AFF1: variants seen among roughly 807,000 people sequenced by gnomAD.
AFF1 encodes ALF transcription elongation factor 1, also known as AF4/FMR2 family member 1.
A neutral mutation model predicts 121.7 loss-of-function variants in AFF1; 48 were observed. That is an observed-to-expected ratio of 0.39 (90% CI 0.31 to 0.50). AFF1 has a LOEUF of 0.50. Ranked by LOEUF, AFF1 falls within the 20% of genes least tolerant of loss-of-function variation. The probability of loss-of-function intolerance (pLI) is 0.76; values close to 1 mark genes in which losing one functional copy is unlikely to be tolerated. For missense variants in AFF1, 1,523 were observed against 1,511.7 expected, an observed-to-expected ratio of 1.01 and a Z score of -0.12; for synonymous variants, 613 against 563.0, an observed-to-expected ratio of 1.09 and a Z score of -1.26.
At chr4:87,109,472 A>G (rs898470742) in intron 11 of AFF1, among the ~76,000 whole-genome samples, 1 of 152,232 alleles carries the variant, frequency 6.6e-6, no homozygotes, top group Non-Finnish European at 1.5e-5. Flanking sequence ...TTTAGAAACT[A>G]CACTGTGTTT....
intron 2 of AFF1, among the ~76,000 whole-genome samples, chr4:86,996,086 G>C (rs570164607): frequency 6.6e-6 from 1 of 151,278 alleles, no homozygotes; most frequent in Middle Eastern, 3.2e-3. Flanking sequence ...CAGCCACCTC[G>C]TCTGGGAGGG....
intron 2 of AFF1, among the ~76,000 whole-genome samples, chr4:86,991,792 A>G (rs1443844160): frequency 6.6e-6 from 1 of 150,592 alleles, no homozygotes; most frequent in Non-Finnish European, 1.5e-5. Flanking sequence ...AAATCAACAA[A>G]TTAATCCAAC....
chr4:86,969,340 G>A (rs533154058), intron 2 of AFF1, among the ~76,000 whole-genome samples: 1 of 151,982 alleles, frequency 6.6e-6, no homozygotes, highest in African/African-American at 2.4e-5. Flanking sequence ...TTAGCTTGGC[G>A]TGGTGGCACG....
chr4:87,045,816 A>T (rs573254914), intron 2 of AFF1, among the ~76,000 whole-genome samples: 5 of 152,144 alleles, frequency 3.3e-5, no homozygotes, highest in Admixed American at 1.3e-4. Flanking sequence ...CCTCTACCCC[A>T]TATTTTGCAA....
At chr4:86,937,237 T>A (rs962698763) in intron 1 of AFF1, among the ~76,000 whole-genome samples, 6 of 152,362 alleles carry the variant, frequency 3.9e-5, no homozygotes, top group African/African-American at 1.2e-4. Context: ...TGCAAAACTA[T>A]AATTTTGAAG....
At chr4:87,103,808 A>G (rs942347836) in intron 8 of AFF1, among the ~76,000 whole-genome samples, 7 of 152,218 alleles carry the variant, frequency 4.6e-5, no homozygotes, top group Non-Finnish European at 1.0e-4. Context: ...GGATTACATG[A>G]TCATTGATGT....
intron 2 of AFF1, among the ~76,000 whole-genome samples, chr4:87,044,019 T>C (rs1020845433): frequency 1.3e-5 from 2 of 152,136 alleles, no homozygotes; most frequent in Non-Finnish European, 2.9e-5. Context: ...GGGTTCACCA[T>C]GTTGGCCAGG....
chr4:87,125,955 G>A, intron 13 of AFF1, 144 bp from the exon 14 acceptor site: 1 of 787,954 alleles, frequency 1.3e-6, no homozygotes, highest in Non-Finnish European at 2.1e-6. Context: ...GCCTCAAAAA[G>A]TCCCTGAAAT....
rs551598893 is a variant in AFF1, at chr4:87,072,279, C to G, written c.1060-11841C>G. Reference sequence around the variant, plus strand: ...TCAGGAGTCTGAGGCAGGAGAATGGCGTGAACCCGGGAGGCGGAGCTTGCA... The same window carrying G: ...TCAGGAGTCTGAGGCAGGAGAATGGGGTGAACCCGGGAGGCGGAGCTTGCA... On this transcript the variant is annotated intron_variant, in intron 4 of 20. Transcript: ENST00000395146. Among the ~76,000 whole-genome samples the G allele has an allele frequency of 2.7e-5, 4 of 148,528 alleles. No individual in the cohort carries two copies. The Admixed American group carries it at 2.7e-4, about 10-fold the overall frequency.
At chr4:87,104,288 C>A (rs1239939203) in intron 8 of AFF1, among the ~76,000 whole-genome samples, 1 of 152,116 alleles carries the variant, frequency 6.6e-6, no homozygotes, top group African/African-American at 2.4e-5. Flanking sequence ...GCCTGTAGTC[C>A]CAACTATTCG....
Position 87,114,977 on chromosome 4 carries a change from A to G in AFF1, c.2144A>G (p.Glu715Gly), listed in dbSNP as rs562926302. 5 of 1,613,562 alleles carry G rather than the reference A, an allele frequency of 3.1e-6. No homozygotes were observed. In the African/African-American group the frequency reaches 5.3e-5, roughly 17 times the overall value. Residue 715 changes from glutamate (E) to glycine (G), a missense_variant, in exon 12 of 21, where the codon GAG becomes GGG. By Grantham distance (98) the Glu-to-Gly change is moderately conservative. Transcript: ENST00000395146. ...PEHFALVPLTESQGPPHSGSG... is the reference protein window; with the variant it reads ...PEHFALVPLTGSQGPPHSGSG... ...CACTTTGCTCTTGTTCCCCTGACTG[A>G]GAGCCAGGGCCCACCCCACAGTGGC...
chr4:87,124,268 A>G (rs537203460), intron 12 of AFF1, among the ~76,000 whole-genome samples: 2 of 152,124 alleles, frequency 1.3e-5, no homozygotes, highest in African/African-American at 4.8e-5. Context: ...CAAGTTAGAG[A>G]TACTTAAATT....
At chr4:87,123,972 G>C (rs1727969308) in intron 12 of AFF1, among the ~76,000 whole-genome samples, 1 of 152,090 alleles carries the variant, frequency 6.6e-6, no homozygotes. Context: ...TTAATTGAAG[G>C]GTCTCACCCA....
chr4:87,047,867 G>A, intron 4 of AFF1: 1 of 507,396 alleles, frequency 2.0e-6, no homozygotes, highest in Admixed American at 3.1e-5. Context: ...GAGATCATAA[G>A]AGTACAGTTT....
intron 2 of AFF1, among the ~76,000 whole-genome samples, chr4:86,981,247 C>T (rs188918305): frequency 5.9e-5 from 9 of 152,220 alleles, no homozygotes; most frequent in East Asian, 1.9e-4. Context: ...CTCCTGACCT[C>T]GTGATCTGCC....
At chr4:87,124,959 C>T in intron 12 of AFF1, 78 bp from the exon 13 acceptor site, 2 of 1,290,080 alleles carry the variant, frequency 1.6e-6, no homozygotes, top group African/African-American at 1.5e-5. Context: ...CCCTCTTTGC[C>T]TTTTCTATAT....
chr4:86,993,440 C>T (rs1197400832), intron 2 of AFF1, among the ~76,000 whole-genome samples: 1 of 152,124 alleles, frequency 6.6e-6, no homozygotes, highest in South Asian at 2.1e-4. Flanking sequence ...CTTCCCCTTT[C>T]CTGATATGTG....
intron 8 of AFF1, 98 bp from the exon 9 acceptor site, chr4:87,105,526 CCTCT>C (rs1039951078): frequency 7.7e-6 from 10 of 1,291,908 alleles, no homozygotes; most frequent in South Asian, 2.5e-5. Flanking sequence ...TTACACATAT[CCTCT>C]CTCTTTGTTT....
In AFF1 at chr4:87,139,556, T is replaced by G. The variant is rs1227995120; in HGVS notation, c.*3855T>G. ...ACACAAGAGTATAGATTTTTCTCAC[T>G]GAAAAGTGAGAGTTACGCATTGCAG... is the stretch of plus-strand genomic sequence containing the variant. On this transcript the variant is annotated 3_prime_UTR_variant, in exon 21 of 21. Coordinates refer to ENST00000395146, the MANE Select transcript of AFF1 (RefSeq NM_001166693.3). 8.7e-6 allele frequency: 2 copies of G among 230,584 alleles called. No homozygotes were observed. The highest frequency in any genetic ancestry group is 4.4e-5 in the African/African-American group (2 of 45,194). The allele number at this position is 230,584 out of a possible 1,614,324, so 14.3% of individuals were successfully genotyped here. A position where few individuals can be genotyped will look rare whatever the true frequency, so the allele number is the denominator to read the frequency against.
Sources: gnomAD v4.1 joint callset for allele counts (sites outside exome capture counted in the v4.1 genomes callset) on GRCh38, gnomAD v4.1.1 for gene constraint, MANE v1.5 for transcripts, NCBI Gene and HGNC (gene_info 2026-07-23, HGNC 2026-07-21) for gene names.